The following PAPSS1 variants were observed in gnomAD, a reference collection of about 807,000 sequenced individuals.
PAPSS1 encodes bifunctional 3'-phosphoadenosine 5'-phosphosulfate synthase 1.
Under a neutral mutation model 72.0 loss-of-function variants are expected in PAPSS1, and 50 were observed. That is an observed-to-expected ratio of 0.69 (90% CI 0.55 to 0.88). The LOEUF (loss-of-function observed/expected upper bound fraction) is 0.88. Ranked by LOEUF, PAPSS1 falls within the 40% of genes least tolerant of loss-of-function variation. The pLI, the probability that PAPSS1 is intolerant of heterozygous loss-of-function variation, is 0.00. For synonymous variants in PAPSS1, 261 were observed against 263.6 expected (o/e 0.99, Z 0.09); for missense variants, 657 against 782.2 (o/e 0.84, Z 1.91).
chr4:107,660,088 AGTACAATTTAAAT>A lies in PAPSS1; in HGVS notation c.670-29_670-17del, dbSNP rs779960694. ...GTACAATATCCTATATAACAACAGG[AGTACAATTTAAAT>A]GTTTGATTCAAGAATTTAGAGTTCA... On this transcript the variant is annotated splice_polypyrimidine_tract_variant and intron_variant, in intron 5 of 11. Coordinates refer to ENST00000265174, the MANE Select transcript of PAPSS1 (RefSeq NM_005443.5). 1,135 of 1,187,736 alleles carry A rather than the reference AGTACAATTTAAAT, an allele frequency of 9.6e-4. 5 individuals carry two copies. Among genetic ancestry groups the A allele is most frequent in the Non-Finnish European group, 1.3e-3 (1,079 of 823,400 alleles). 73.6% of individuals were successfully genotyped at this position (1,187,736 alleles called of 1,614,324 possible). A position where few individuals can be genotyped will look rare whatever the true frequency, so the allele number is the denominator to read the frequency against.
chr4:107,692,631 C>G (rs747534235), intron 3 of PAPSS1, among the ~76,000 whole-genome samples: 1 of 152,138 alleles, frequency 6.6e-6, no homozygotes, highest in Admixed American at 6.6e-5. Context: ...AATCCCAGTA[C>G]TGAGTATATA....
rs751681026 is a variant in PAPSS1 at position 107,682,150 on chromosome 4, A to T, written c.551-17T>A. 3.4e-6 allele frequency: 4 copies of T among 1,188,278 alleles called. No individual in the cohort carries two copies. Among genetic ancestry groups the T allele is most frequent in the Middle Eastern group, 2.0e-4 (1 of 5,108 alleles). The allele number at this position is 1,188,278 out of a possible 1,614,324, so 73.6% of individuals were successfully genotyped here. On this transcript the variant is annotated splice_polypyrimidine_tract_variant and intron_variant, in intron 4 of 11. Transcript: ENST00000265174. Reference sequence around the variant, plus strand: ...CAGTGAAACCTGCAAAAGGTAACAGATAATAGAGTAGGGTGGAAAATAAAA... The same window carrying T: ...CAGTGAAACCTGCAAAAGGTAACAGTTAATAGAGTAGGGTGGAAAATAAAA...
At chr4:107,658,410 C>T (rs1727077302) in intron 6 of PAPSS1, among the ~76,000 whole-genome samples, 2 of 150,600 alleles carry the variant, frequency 1.3e-5, no homozygotes, top group South Asian at 4.2e-4. Context: ...CAAGAAAAGT[C>T]TCTTACCCAT....
intron 11 of PAPSS1, among the ~76,000 whole-genome samples, chr4:107,616,289 A>G (rs1335288453): frequency 1.3e-5 from 2 of 152,212 alleles, no homozygotes; most frequent in Non-Finnish European, 2.9e-5. Flanking sequence ...TATCAAAATC[A>G]AATGAGAATG....
At chr4:107,713,435 T>C (rs1328819404) in intron 1 of PAPSS1, among the ~76,000 whole-genome samples, 2 of 152,058 alleles carry the variant, frequency 1.3e-5, no homozygotes, top group African/African-American at 4.8e-5. Context: ...ACTCTGGCTA[T>C]ACTAAAAACC....
At chr4:107,703,137 TA>T (rs1477042595) in intron 1 of PAPSS1, among the ~76,000 whole-genome samples, 4 of 152,248 alleles carry the variant, frequency 2.6e-5, no homozygotes, top group Non-Finnish European at 5.9e-5. Flanking sequence ...TTTTTTCATA[TA>T]CCTGTTGGCT....
chr4:107,645,540 C>T (rs1433901835), intron 9 of PAPSS1, among the ~76,000 whole-genome samples: 1 of 152,216 alleles, frequency 6.6e-6, no homozygotes, highest in Non-Finnish European at 1.5e-5. Flanking sequence ...AATTTACTTA[C>T]TGTCCAAATA....
At chr4:107,716,190 A>T (rs1377454635) in intron 1 of PAPSS1, among the ~76,000 whole-genome samples, 2 of 152,270 alleles carry the variant, frequency 1.3e-5, no homozygotes, top group Admixed American at 1.3e-4. Flanking sequence ...ACATAATAGC[A>T]GAGAGAATGC....
chr4:107,632,392 C>T (rs1726245022), intron 10 of PAPSS1, among the ~76,000 whole-genome samples: 1 of 150,794 alleles, frequency 6.6e-6, no homozygotes, highest in Non-Finnish European at 1.5e-5. Context: ...TATACTTTAA[C>T]AGGTTAAAAA....
intron 9 of PAPSS1, among the ~76,000 whole-genome samples, chr4:107,648,303 G>C (rs1464520965): frequency 1.3e-5 from 2 of 152,200 alleles, no homozygotes; most frequent in East Asian, 3.9e-4. Flanking sequence ...CAAGCCACAG[G>C]CCGCTTCATC....
chr4:107,700,755 T>C (rs1176569037), intron 2 of PAPSS1, among the ~76,000 whole-genome samples: 1 of 152,186 alleles, frequency 6.6e-6, no homozygotes. Flanking sequence ...CCCTCAATCT[T>C]GGACTTCCCA....
intron 1 of PAPSS1, among the ~76,000 whole-genome samples, chr4:107,713,342 G>A (rs957719568): frequency 1.2e-4 from 19 of 152,228 alleles, no homozygotes; most frequent in African/African-American, 4.6e-4. Flanking sequence ...TGCAGAGCCT[G>A]GGGAATGACT....
chr4:107,621,918 G>T (rs561967751), intron 11 of PAPSS1, among the ~76,000 whole-genome samples: 1 of 152,004 alleles, frequency 6.6e-6, no homozygotes, highest in South Asian at 2.1e-4. Flanking sequence ...GTGAGCCACC[G>T]CGCCCAGCCG....
At chr4:107,678,203 A>G (rs1192452116) in intron 5 of PAPSS1, among the ~76,000 whole-genome samples, 1 of 151,580 alleles carries the variant, frequency 6.6e-6, no homozygotes, top group Non-Finnish European at 1.5e-5. Context: ...AAAAAAATCA[A>G]GTTGCCATTT....
chr4:107,627,508 T>C (rs1726129700), intron 11 of PAPSS1, among the ~76,000 whole-genome samples: 1 of 152,166 alleles, frequency 6.6e-6, no homozygotes. Flanking sequence ...CTGCTACCCT[T>C]TTTTAGTGGT....
At chr4:107,656,203 C>T (rs184718383) in intron 7 of PAPSS1, among the ~76,000 whole-genome samples, 1 of 152,258 alleles carries the variant, frequency 6.6e-6, no homozygotes, top group Admixed American at 6.5e-5. Flanking sequence ...ACACCCTCCA[C>T]TTCCTAGGTT....
intron 10 of PAPSS1, among the ~76,000 whole-genome samples, chr4:107,641,932 A>G (rs192220052): frequency 6.6e-6 from 1 of 152,314 alleles, no homozygotes; most frequent in East Asian, 1.9e-4. Flanking sequence ...CAATTATATT[A>G]ATTACCACAT....
At chr4:107,657,813 G>T (rs1366242119) in intron 6 of PAPSS1, among the ~76,000 whole-genome samples, 1 of 151,958 alleles carries the variant, frequency 6.6e-6, no homozygotes, top group Non-Finnish European at 1.5e-5. Flanking sequence ...TGAAAAAATG[G>T]TTATTCTCAT....
At chr4:107,633,392 C>T (rs1726272459) in intron 10 of PAPSS1, among the ~76,000 whole-genome samples, 1 of 152,144 alleles carries the variant, frequency 6.6e-6, no homozygotes, top group Non-Finnish European at 1.5e-5. Flanking sequence ...TTTTAATCCC[C>T]TTTTTGCACA....
Sources: allele counts gnomAD v4.1 joint callset (sites outside exome capture counted in the v4.1 genomes callset), GRCh38; gene constraint gnomAD v4.1.1; transcripts MANE v1.5; gene names NCBI Gene and HGNC (gene_info 2026-07-23, HGNC 2026-07-21).